The following ULK4 variants were observed in gnomAD, a reference collection of about 807,000 sequenced individuals.
ULK4 encodes the protein inactive serine/threonine-protein kinase ULK4.
ULK4 carries 133 observed loss-of-function variants against 160.6 expected under a neutral mutation model. That is an observed-to-expected ratio of 0.83 (90% CI 0.72 to 0.96). ULK4 has a LOEUF of 0.96. Among genes scored for constraint, ULK4 ranks in the 40% least tolerant of loss-of-function variants. ULK4 has a pLI of 0.00. For missense variants in ULK4, 1,580 were observed against 1,499.5 expected (o/e 1.05, Z -0.89); for synonymous variants, 534 against 539.8 (o/e 0.99, Z 0.15).
intron 17 of ULK4, chr3:41,859,653 TTTTGTTTGTTTTG>T (rs2042451363): frequency 3.6e-6 from 1 of 280,472 alleles, no homozygotes; most frequent in South Asian, 2.8e-5. Context: ...ATTCCTTCTT[TTTTGTTTGTTTTG>T]TTTGTTTTTT....
chr3:41,632,191 G>C (rs2033774750), intron 30 of ULK4, among the ~76,000 whole-genome samples: 1 of 152,144 alleles, frequency 6.6e-6, no homozygotes, highest in African/African-American at 2.4e-5. Context: ...GGAAGAGGCA[G>C]TATCAGTAAG....
intron 31 of ULK4, among the ~76,000 whole-genome samples, chr3:41,583,735 T>A (rs944130003): frequency 1.3e-5 from 2 of 152,216 alleles, no homozygotes; most frequent in African/African-American, 4.8e-5. Context: ...TTTGGAGTGC[T>A]TTGTTATAAT....
intron 12 of ULK4, among the ~76,000 whole-genome samples, chr3:41,903,815 T>C (rs560708323): frequency 3.3e-5 from 5 of 152,002 alleles, no homozygotes; most frequent in Admixed American, 1.3e-4. Flanking sequence ...TAAAATTATA[T>C]TCCCTTGTTT....
intron 32 of ULK4, among the ~76,000 whole-genome samples, chr3:41,511,110 C>G (rs574854952): frequency 6.9e-6 from 1 of 145,456 alleles, no homozygotes; most frequent in Non-Finnish European, 1.5e-5. Flanking sequence ...TTGCAGTGAG[C>G]TGAGATCATG....
intron 25 of ULK4, among the ~76,000 whole-genome samples, chr3:41,714,319 C>A (rs2037192677): frequency 6.6e-6 from 1 of 152,104 alleles, no homozygotes; most frequent in African/African-American, 2.4e-5. Flanking sequence ...CATACTTCAC[C>A]CTATGATGAA....
At chr3:41,357,824 G>A (rs939580826) in intron 35 of ULK4, among the ~76,000 whole-genome samples, 7 of 152,180 alleles carry the variant, frequency 4.6e-5, no homozygotes, top group African/African-American at 1.4e-4. Flanking sequence ...CAGGAGTCAC[G>A]GAGGATCCAA....
intron 35 of ULK4, among the ~76,000 whole-genome samples, chr3:41,259,123 T>G (rs1331989489): frequency 6.6e-6 from 1 of 150,608 alleles, no homozygotes; most frequent in African/African-American, 2.4e-5. Context: ...TGTGTATATA[T>G]ATATATATAA....
chr3:41,879,988 T>C (rs1023160041), intron 17 of ULK4, among the ~76,000 whole-genome samples: 1 of 151,844 alleles, frequency 6.6e-6, no homozygotes, highest in Non-Finnish European at 1.5e-5. Flanking sequence ...GGCGTGGTAG[T>C]GCATGCCTGT....
intron 33 of ULK4, among the ~76,000 whole-genome samples, chr3:41,458,810 C>G (rs1199774731): frequency 1.3e-5 from 2 of 152,172 alleles, no homozygotes; most frequent in African/African-American, 4.8e-5. Flanking sequence ...GGCTGGAGTG[C>G]AGTGGCACGA....
intron 31 of ULK4, among the ~76,000 whole-genome samples, chr3:41,603,571 G>A (rs991781562): frequency 1.3e-5 from 2 of 151,802 alleles, no homozygotes; most frequent in African/African-American, 2.4e-5. Context: ...AAACATAGAT[G>A]CCTGAAATAG....
intron 34 of ULK4, among the ~76,000 whole-genome samples, chr3:41,437,162 A>C (rs1482256636): frequency 2.0e-5 from 3 of 152,172 alleles, no homozygotes; most frequent in Non-Finnish European, 2.9e-5. Context: ...AGGATTAAAG[A>C]CTGAATTCTG....
chr3:41,931,701 G>A (rs1208787305), intron 5 of ULK4, 143 bp downstream of exon 5: 1 of 1,022,446 alleles, frequency 9.8e-7, no homozygotes, highest in East Asian at 2.4e-5. Context: ...CCATTCCTAT[G>A]CCCAGACTAT....
intron 30 of ULK4, among the ~76,000 whole-genome samples, chr3:41,658,728 T>TACACACAC (rs748566253): frequency 6.5e-4 from 55 of 84,486 alleles, no homozygotes; most frequent in Admixed American, 1.1e-3. Flanking sequence ...TGAAAAACAG[T>TACACACAC]ACACACACAC....
At chr3:41,938,048 G>GT (rs376243947) in intron 3 of ULK4, 50 bp downstream of exon 3, 255 of 1,359,156 alleles carry the variant, frequency 1.9e-4, no homozygotes, top group South Asian at 3.1e-4. Context: ...TTAACAGCAT[G>GT]TTTTTTTTCA....
At chr3:41,306,558 T>C (rs1293979282) in intron 35 of ULK4, among the ~76,000 whole-genome samples, 4 of 149,506 alleles carry the variant, frequency 2.7e-5, no homozygotes, top group East Asian at 4.1e-4. Flanking sequence ...AGCCACCCCG[T>C]CCGGGAGGTG....
intron 2 of ULK4, 100 bp from the exon 3 acceptor site, chr3:41,938,297 T>C (rs949848336): frequency 1.8e-5 from 15 of 843,312 alleles, no homozygotes; most frequent in African/African-American, 1.4e-4. Context: ...GATAAGAAAA[T>C]GGTGACATTT....
rs187129226 is a variant in ULK4 at position 41,406,255 on chromosome 3, T to A, written c.3493-7991A>T. Among the ~76,000 whole-genome samples, 106 of 152,382 alleles carry A rather than the reference T, an allele frequency of 7.0e-4. 1 individual carries two copies. The highest frequency in any genetic ancestry group is 2.5e-3 in the African/African-American group (105 of 41,594). On this transcript the variant is annotated intron_variant, in intron 34 of 36. Transcript: ENST00000301831. ...TTCCCTGTTGCTTACTTTTGTTGACTTTGTCAAAGATCAGGTGGCTGTAGG... is the reference window on the plus strand; with the variant it reads ...TTCCCTGTTGCTTACTTTTGTTGACATTGTCAAAGATCAGGTGGCTGTAGG...
chr3:41,795,958 T>C (rs1489348875), intron 20 of ULK4, among the ~76,000 whole-genome samples: 1 of 152,140 alleles, frequency 6.6e-6, no homozygotes, highest in Admixed American at 6.5e-5. Context: ...AACAATAAAG[T>C]GGAAGAACTT....
At chr3:41,489,365 C>A (rs914724260) in intron 32 of ULK4, among the ~76,000 whole-genome samples, 1 of 152,132 alleles carries the variant, frequency 6.6e-6, no homozygotes, top group African/African-American at 2.4e-5. Flanking sequence ...TAATATAATC[C>A]TTTATCAGGT....
Sources: gnomAD v4.1 joint callset for allele counts (sites outside exome capture counted in the v4.1 genomes callset) on GRCh38, gnomAD v4.1.1 for gene constraint, MANE v1.5 for transcripts, NCBI Gene and HGNC (gene_info 2026-07-23, HGNC 2026-07-21) for gene names.